SIK3: variants seen among roughly 807,000 people sequenced by gnomAD.
SIK3 encodes SIK family kinase 3, also known as serine/threonine-protein kinase SIK3.
A neutral mutation model predicts 144.2 loss-of-function variants in SIK3; 28 were observed. The observed-to-expected ratio is 0.19, with a 90% CI of 0.14 to 0.27. The LOEUF (loss-of-function observed/expected upper bound fraction) is 0.27, where lower values mean the gene tolerates loss of function less well. Ranked by LOEUF, SIK3 falls within the 10% of genes least tolerant of loss-of-function variation. The probability of loss-of-function intolerance (pLI) is 1.00; values close to 1 mark genes in which losing one functional copy is unlikely to be tolerated. For synonymous variants in SIK3, 686 were observed against 676.3 expected (o/e 1.01, Z -0.22); for missense variants, 1,319 against 1,776.0 (o/e 0.74, Z 4.62).
chr11:117,020,236 C>CATATATATATATATATATATATAT lies in SIK3; in HGVS notation c.274-63173_274-63172insATATATATATATATATATATATAT, dbSNP rs754633188. Among the ~76,000 whole-genome samples the CATATATATATATATATATATATAT allele has an allele frequency of 5.2e-4, 63 of 122,298 alleles. 1 individual carries two copies. The highest frequency in any genetic ancestry group is 1.9e-3 in the African/African-American group (51 of 27,162). The allele number at this position is 122,298 out of a possible 152,430, so 80.2% of individuals were successfully genotyped here. On this transcript the variant is annotated intron_variant, in intron 1 of 24. Coordinates refer to ENST00000445177, the MANE Select transcript of SIK3 (RefSeq NM_001366686.3). ...GGTGATATTTGTATGTGTATATGTG[C>CATATATATATATATATATATATAT]ATATATATATACACATACATATATC...
chr11:116,969,249 C>T (rs1010289745), intron 1 of SIK3, among the ~76,000 whole-genome samples: 1 of 144,902 alleles, frequency 6.9e-6, no homozygotes, highest in Non-Finnish European at 1.5e-5. Context: ...GAGATGGCAC[C>T]ACCGCACTCC....
chr11:116,965,766 T>C (rs1280814118), intron 1 of SIK3, among the ~76,000 whole-genome samples: 13 of 29,216 alleles, frequency 4.4e-4, no homozygotes, highest in Non-Finnish European at 9.2e-4. Flanking sequence ...TATATATATA[T>C]ATATATATAT....
At chr11:117,086,982 G>A (rs1227021681) in intron 1 of SIK3, among the ~76,000 whole-genome samples, 5 of 136,898 alleles carry the variant, frequency 3.7e-5, no homozygotes, top group East Asian at 2.2e-4. Flanking sequence ...ACAACAGAGC[G>A]AGACTCCATC....
chr11:117,069,521 A>T (rs1954170399), intron 1 of SIK3, among the ~76,000 whole-genome samples: 1 of 152,216 alleles, frequency 6.6e-6, no homozygotes, highest in Non-Finnish European at 1.5e-5. Flanking sequence ...TTATCATATA[A>T]GTTTTTTAGC....
At position 116,859,556 on chromosome 11, in the gene SIK3, A is replaced by C. The variant is rs1319344762; in HGVS notation, c.2474T>G (p.Ile825Ser). The change falls in exon 20 of 25, where the codon ATC (isoleucine) becomes AGC (serine). Residue 825 changes from isoleucine to serine, a missense_variant. Ile to Ser is a moderately radical substitution (Grantham distance 142, BLOSUM62 -2). Coordinates refer to ENST00000445177, the MANE Select transcript of SIK3 (RefSeq NM_001366686.3). ...ACAGTTCTCAGGTTGCTGCTGAAAGATTGCACTGCGGGAAGGTAAGCCTTG... is the reference window on the plus strand; with the variant it reads ...ACAGTTCTCAGGTTGCTGCTGAAAGCTTGCACTGCGGGAAGGTAAGCCTTG... Reference protein sequence around the residue: ...QFQGLPSRSAIFQQQPENCSS... With the variant: ...QFQGLPSRSASFQQQPENCSS... 6.2e-7 allele frequency: 1 copy of C among 1,614,174 alleles called. No individual in the cohort carries two copies. Among genetic ancestry groups the C allele is most frequent in the Non-Finnish European group, 8.5e-7 (1 of 1,180,030 alleles).
chr11:116,891,837 A>AG (rs144010715), intron 6 of SIK3, among the ~76,000 whole-genome samples: 10,889 of 152,246 alleles, frequency 0.072, 453 homozygotes, highest in Middle Eastern at 0.12. Flanking sequence ...AATTGAGGCA[A>AG]GGGAAGATGA....
intron 6 of SIK3, among the ~76,000 whole-genome samples, chr11:116,884,932 C>CA (rs1464391361): frequency 6.6e-6 from 1 of 152,140 alleles, no homozygotes; most frequent in Non-Finnish European, 1.5e-5. Context: ...AAAAAACTGT[C>CA]ATGTTTTGAA....
chr11:116,852,225 C>A (rs1401160277), intron 21 of SIK3, among the ~76,000 whole-genome samples: 1 of 152,216 alleles, frequency 6.6e-6, no homozygotes, highest in Non-Finnish European at 1.5e-5. Flanking sequence ...CCTTCCCTCT[C>A]TCAGACTTGT....
intron 1 of SIK3, among the ~76,000 whole-genome samples, chr11:117,077,521 T>C (rs74597370): frequency 0.029 from 4,379 of 152,286 alleles, 189 homozygotes; most frequent in African/African-American, 0.1. Context: ...TTGCTTTCTT[T>C]GGAAAAAATC....
At chr11:117,079,177 T>A (rs1954679402) in intron 1 of SIK3, among the ~76,000 whole-genome samples, 1 of 152,238 alleles carries the variant, frequency 6.6e-6, no homozygotes, top group Non-Finnish European at 1.5e-5. Context: ...TTAAGAGTGC[T>A]TAAAGCTGGC....
At chr11:117,028,476 G>A (rs186248256) in intron 1 of SIK3, among the ~76,000 whole-genome samples, 104 of 152,134 alleles carry the variant, frequency 6.8e-4, no homozygotes, top group Non-Finnish European at 1.4e-3. Context: ...TGTAGGAGGT[G>A]GCAGAAAGAA....
chr11:116,944,923 C>A lies in SIK3; in HGVS notation c.454+9121G>T, dbSNP rs1948505929. On this transcript the variant is annotated intron_variant, in intron 3 of 24. Transcript: ENST00000445177. ...TTTAAATTTAAATGTAAATTAAATT[C>A]AAAACTCAGTTCCTCAGGGGCACTA... Among the ~76,000 whole-genome samples, 3 of 151,812 alleles carry A rather than the reference C, an allele frequency of 2.0e-5. No individual in the cohort carries two copies. In the South Asian group the frequency reaches 6.2e-4, roughly 31 times the overall value.
chr11:116,997,269 T>C (rs1209787820), intron 1 of SIK3, among the ~76,000 whole-genome samples: 3 of 152,228 alleles, frequency 2.0e-5, no homozygotes, highest in African/African-American at 4.8e-5. Context: ...ACACTAGCTA[T>C]ATACTCAGCC....
Position 116,858,829 on chromosome 11 carries a change from G to T in SIK3, c.2766-130C>A. On this transcript the variant is annotated intron_variant, in intron 20 of 24. Transcript: ENST00000445177. The surrounding 1 kb of genome is among the most constrained non-coding windows in gnomAD (Gnocchi z 5.4). ...GTGGTGTGACAGAGAAGTGGCAGATGTATGCATTGTCCCTATTTATTCCAT... is the reference window on the plus strand; with the variant it reads ...GTGGTGTGACAGAGAAGTGGCAGATTTATGCATTGTCCCTATTTATTCCAT... 2 of 1,338,106 alleles carry T rather than the reference G, an allele frequency of 1.5e-6. No individual in the cohort carries two copies. The highest frequency in any genetic ancestry group is 2.0e-6 in the Non-Finnish European group (2 of 1,001,184). The allele number at this position is 1,338,106 out of a possible 1,614,324, so 82.9% of individuals were successfully genotyped here.
Position 116,870,220 on chromosome 11 carries a change from C to A in SIK3, c.1808+111G>T, listed in dbSNP as rs763563475. 3.2e-6 allele frequency: 5 copies of A among 1,560,494 alleles called. No individual in the cohort carries two copies. In the African/African-American group the frequency reaches 6.7e-5, roughly 21 times the overall value. ...CCATCTGGCTTGAGCAAAGAGACCACACAAATGTTGAAGCTGCACTCTACC... is the reference window on the plus strand; with the variant it reads ...CCATCTGGCTTGAGCAAAGAGACCAAACAAATGTTGAAGCTGCACTCTACC... On this transcript the variant is annotated intron_variant, in intron 14 of 24. Transcript: ENST00000445177.
chr11:117,055,599 T>C (rs937259586), intron 1 of SIK3, among the ~76,000 whole-genome samples: 2 of 152,200 alleles, frequency 1.3e-5, no homozygotes, highest in Non-Finnish European at 2.9e-5. Context: ...TATAATCGCT[T>C]AACAAGTAGG....
chr11:116,970,621 A>G (rs548013398), intron 1 of SIK3, among the ~76,000 whole-genome samples: 64 of 151,678 alleles, frequency 4.2e-4, no homozygotes, highest in Non-Finnish European at 7.2e-4. Context: ...AAGTGCTAGG[A>G]TAACAGGCAT....
intron 6 of SIK3, among the ~76,000 whole-genome samples, chr11:116,891,305 A>G (rs1200727855): frequency 1.3e-5 from 2 of 152,160 alleles, no homozygotes. Flanking sequence ...TGACAGAGCG[A>G]GACTCCGTCT....
chr11:116,888,358 G>A (rs979320662), intron 6 of SIK3, among the ~76,000 whole-genome samples: 21 of 152,146 alleles, frequency 1.4e-4, no homozygotes, highest in African/African-American at 4.6e-4. Context: ...GCCAGCACTC[G>A]CCTCCATCAG....
Sources: allele counts gnomAD v4.1 joint callset (sites outside exome capture counted in the v4.1 genomes callset), GRCh38; gene constraint gnomAD v4.1.1; non-coding constraint Gnocchi (gnomAD v3.1); transcripts MANE v1.5; gene names NCBI Gene and HGNC (gene_info 2026-07-23, HGNC 2026-07-21).